PGBD2: variants seen among roughly 807,000 people sequenced by gnomAD.
PGBD2 encodes the protein piggyBac transposable element-derived protein 2.
PGBD2 carries 6 observed loss-of-function variants against 8.1 expected under a neutral mutation model. That is an observed-to-expected ratio of 0.74 (90% CI 0.40 to 1.46). The LOEUF (loss-of-function observed/expected upper bound fraction) is 1.46. Ranked by LOEUF, PGBD2 falls within the 40% of genes most tolerant of loss-of-function variation. The probability of loss-of-function intolerance (pLI) is 0.02; values close to 1 mark genes in which losing one functional copy is unlikely to be tolerated. For missense variants in PGBD2, 802 were observed against 739.0 expected (o/e 1.09, Z -0.99); for synonymous variants, 318 against 272.2 (o/e 1.17, Z -1.66).
the PGBD2 span, among the ~76,000 whole-genome samples, chr1:248,896,011 G>A: frequency 1.3e-5 from 2 of 151,672 alleles, no homozygotes; most frequent in Non-Finnish European, 2.9e-5. Flanking sequence ...TATCCATCAC[G>A]CCCCTCCGAC....
chr1:248,895,329 T>C, the PGBD2 span, among the ~76,000 whole-genome samples: 1 of 152,010 alleles, frequency 6.6e-6, no homozygotes. Flanking sequence ...GCCCCCATAT[T>C]TGTGGCTATA....
the PGBD2 span, among the ~76,000 whole-genome samples, chr1:248,882,554 G>A: frequency 6.6e-6 from 1 of 152,294 alleles, no homozygotes; most frequent in Non-Finnish European, 1.5e-5. Flanking sequence ...TCAGAAGGGA[G>A]TATGCCTTAA....
chr1:248,921,651 G>C (rs1384688363), downstream of PGBD2, among the ~76,000 whole-genome samples: 1 of 152,144 alleles, frequency 6.6e-6, no homozygotes, highest in African/African-American at 2.4e-5. Flanking sequence ...ATTTAAAGTA[G>C]TTTTTTACAA....
chr1:248,908,604 G>T (rs905528642), intron 1 of PGBD2, among the ~76,000 whole-genome samples: 7 of 151,908 alleles, frequency 4.6e-5, no homozygotes, highest in Non-Finnish European at 7.4e-5. Context: ...CTATGTTGGG[G>T]CCTGCATACT....
At chr1:248,874,246 C>T in the PGBD2 span, among the ~76,000 whole-genome samples, 15 of 152,160 alleles carry the variant, frequency 9.9e-5, no homozygotes, top group East Asian at 1.9e-4. Flanking sequence ...CGCATCATGT[C>T]TTCCCTGGTG....
the PGBD2 span, among the ~76,000 whole-genome samples, chr1:248,873,840 G>A: frequency 0.011 from 1,685 of 152,320 alleles, 34 homozygotes; most frequent in African/African-American, 0.037. Flanking sequence ...AGTGAGAAGC[G>A]CTCTGCTTCC....
intron 2 of PGBD2, among the ~76,000 whole-genome samples, chr1:248,914,195 T>C (rs1471241545): frequency 6.6e-6 from 1 of 152,234 alleles, no homozygotes; most frequent in Admixed American, 6.5e-5. Flanking sequence ...GCAGGGTTTC[T>C]CATGCCTGGG....
chr1:248,894,690 C>A, the PGBD2 span, among the ~76,000 whole-genome samples: 2 of 128,340 alleles, frequency 1.6e-5, no homozygotes, highest in Non-Finnish European at 3.1e-5. Context: ...TCCCTCCCTC[C>A]CTCCCTCCCT....
chr1:248,892,547 G>C, the PGBD2 span, among the ~76,000 whole-genome samples: 3 of 152,010 alleles, frequency 2.0e-5, no homozygotes, highest in Non-Finnish European at 4.4e-5. Context: ...AGAGAGTTAA[G>C]CTGTAATCTA....
upstream of PGBD2, among the ~76,000 whole-genome samples, chr1:248,903,510 G>T (rs1442913134): frequency 6.6e-6 from 1 of 152,148 alleles, no homozygotes. Context: ...CTTTATGCAG[G>T]ACATCAAATC....
rs1456423495 is a variant in PGBD2 at position 248,919,077 on chromosome 1, T to A, written c.*714T>A. ...ATCCATCTTGTCAAACACTTGTCCT[T>A]TGTGTTTCAAACAATCCAATTATAC... On this transcript the variant is annotated 3_prime_UTR_variant, in exon 3 of 3. Transcript: ENST00000329291. The A allele has an allele frequency of 6.0e-6, 1 of 167,088 alleles. No homozygotes were observed. The highest frequency in any genetic ancestry group is 2.4e-5 in the African/African-American group (1 of 41,452). The allele number at this position is 167,088 out of a possible 1,614,324, so 10.4% of individuals were successfully genotyped here.
the PGBD2 span, among the ~76,000 whole-genome samples, chr1:248,926,483 G>T: frequency 6.6e-6 from 1 of 152,146 alleles, no homozygotes; most frequent in Non-Finnish European, 1.5e-5. Flanking sequence ...GCAGCTTCTC[G>T]TCTACGTCCT....
At chr1:248,879,592 G>A in the PGBD2 span, among the ~76,000 whole-genome samples, 16 of 151,990 alleles carry the variant, frequency 1.1e-4, no homozygotes, top group African/African-American at 3.9e-4. Context: ...AGAGACAGGG[G>A]TCTTGCTATG....
chr1:248,881,054 A>G, the PGBD2 span, among the ~76,000 whole-genome samples: 5 of 152,302 alleles, frequency 3.3e-5, no homozygotes, highest in Admixed American at 3.3e-4. Flanking sequence ...CAGTGAGCCA[A>G]AGCCATGGTG....
At chr1:248,895,620 T>G in the PGBD2 span, among the ~76,000 whole-genome samples, 1 of 152,012 alleles carries the variant, frequency 6.6e-6, no homozygotes, top group African/African-American at 2.4e-5. Context: ...TTAGTGGGAT[T>G]TCTGAGATTT....
chr1:248,874,299 G>T, the PGBD2 span, among the ~76,000 whole-genome samples: 1 of 152,166 alleles, frequency 6.6e-6, no homozygotes, highest in East Asian at 1.9e-4. Context: ...CGCGGCCCGG[G>T]TTCGATTCCC....
chr1:248,876,588 T>G, the PGBD2 span, among the ~76,000 whole-genome samples: 2 of 152,326 alleles, frequency 1.3e-5, no homozygotes, highest in African/African-American at 4.8e-5. Flanking sequence ...CTTGTTATAT[T>G]TTGGTAAATA....
chr1:248,886,903 G>T, the PGBD2 span, among the ~76,000 whole-genome samples: 3 of 152,188 alleles, frequency 2.0e-5, no homozygotes, highest in South Asian at 2.1e-4. Flanking sequence ...TTTCCAAAGA[G>T]CAAGCTAATT....
At chr1:248,873,652 T>C in the PGBD2 span, among the ~76,000 whole-genome samples, 1 of 152,202 alleles carries the variant, frequency 6.6e-6, no homozygotes, top group African/African-American at 2.4e-5. Context: ...TTAGCTTCGA[T>C]TCCCGGCCTG....
Sources: allele counts gnomAD v4.1 joint callset (sites outside exome capture counted in the v4.1 genomes callset), GRCh38; gene constraint gnomAD v4.1.1; transcripts MANE v1.5; gene names NCBI Gene and HGNC (gene_info 2026-07-23, HGNC 2026-07-21).